COG8: variants seen among roughly 807,000 people sequenced by gnomAD.
COG8 encodes the protein conserved oligomeric Golgi complex subunit 8.
A neutral mutation model predicts 46.5 loss-of-function variants in COG8; 45 were observed. The ratio of observed to expected loss-of-function variants is 0.97; its 90% CI spans 0.76 to 1.24. The LOEUF (loss-of-function observed/expected upper bound fraction) is 1.24. Among genes scored for constraint, COG8 ranks in the 50% most tolerant of loss-of-function variants. COG8 has a pLI of 0.00. For missense variants in COG8, 793 were observed against 820.8 expected (o/e 0.97, Z 0.41); for synonymous variants, 407 against 347.8 (o/e 1.17, Z -1.90).
rs2011689121 is a variant in COG8, at chr16:69,330,270, G to A, written c.*26+543C>T. 7.0e-7 allele frequency: 1 copy of A among 1,438,668 alleles called. No homozygotes were observed. The allele number at this position is 1,438,668 out of a possible 1,614,324, so 89.1% of individuals were successfully genotyped here. On this transcript the variant is annotated intron_variant, in intron 5 of 5. Transcript: ENST00000306875. ...ACGCAGCGCCGCCGCCGCATCACCT[G>A]GACCAGCCGTTGCGTCAGCCGCTGC...
chr16:69,335,217 A>G lies in COG8; in HGVS notation c.717T>C (p.Thr239=), dbSNP rs2012137531. The change falls in exon 3 of 6, where the codon ACT becomes ACC. Residue 239 remains threonine (T), a synonymous_variant. Transcript: ENST00000306875. Reference sequence around the variant, plus strand: ...GAAACTTCACCCTCAACTCAGCCTCAGTGAAGACGTCCATGCGCCGCAGGT... The same window carrying G: ...GAAACTTCACCCTCAACTCAGCCTCGGTGAAGACGTCCATGCGCCGCAGGT... ...IGYLRRMDVF[T]EAELRVKFLQ... The G allele has an allele frequency of 1.2e-6, 2 of 1,614,130 alleles. No homozygotes were observed. Among genetic ancestry groups the G allele is most frequent in the Non-Finnish European group, 1.7e-6 (2 of 1,179,962 alleles).
At chr16:69,329,975 C>T in intron 5 of COG8, 1 of 1,510,130 alleles carries the variant, frequency 6.6e-7, no homozygotes, top group South Asian at 1.2e-5. Flanking sequence ...GCTCCAGCAG[C>T]CCCGGTCCCC....
rs200476177 is a variant in COG8 at position 69,334,817 on chromosome 16, G to C, written c.1117C>G (p.Arg373Gly). ...FRGQLAPVFQRVAISTFQKAI... is the reference protein window; with the variant it reads ...FRGQLAPVFQGVAISTFQKAI... Reference sequence around the variant, plus strand: ...TTCTGGAAAGTGCTGATGGCCACCCGCTGGAAAACAGGAGCCAACTGACCC... The same window carrying C: ...TTCTGGAAAGTGCTGATGGCCACCCCCTGGAAAACAGGAGCCAACTGACCC... The change falls in exon 3 of 6, where the codon CGG (arginine) becomes GGG (glycine). Residue 373 changes from arginine to glycine, a missense_variant. Coordinates refer to ENST00000306875, the MANE Select transcript of COG8 (RefSeq NM_032382.5). 5 of 1,614,126 alleles carry C rather than the reference G, an allele frequency of 3.1e-6. No individual in the cohort carries two copies. The highest frequency in any genetic ancestry group is 4.2e-6 in the Non-Finnish European group (5 of 1,180,044).
chr16:69,330,313 C>T (rs766915338), intron 5 of COG8: 8 of 1,440,162 alleles, frequency 5.6e-6, no homozygotes, highest in Admixed American at 2.8e-5. Context: ...GCCCGCCTAG[C>T]TGCGCCCGCT....
chr16:69,329,892 G>T, intron 5 of COG8: 2 of 1,337,716 alleles, frequency 1.5e-6, no homozygotes, highest in African/African-American at 1.5e-5. Context: ...CTTCGCTCCT[G>T]CGGGAGGTCC....
rs757358165 is a variant in COG8 at position 69,334,959 on chromosome 16, T to C, written c.975A>G (p.Gln325=). 1 of 1,614,056 alleles carries C rather than the reference T, an allele frequency of 6.2e-7. No individual in the cohort carries two copies. The highest frequency in any genetic ancestry group is 8.5e-7 in the Non-Finnish European group (1 of 1,180,002). ...GGTCGGTCTCCAGCACCTGCAGGAA[T>C]TGTGAGACCTTCTGTAGCACCCAGC... ...FHGWVLQKVS[Q]FLQVLETDLY... Residue 325 remains glutamine, a synonymous_variant, in exon 3 of 6, where the codon CAA becomes CAG. Transcript: ENST00000306875.
At chr16:69,331,449 G>T (rs2011827240) in intron 4 of COG8, among the ~76,000 whole-genome samples, 2 of 62,024 alleles carry the variant, frequency 3.2e-5, no homozygotes, top group Non-Finnish European at 2.8e-5. Flanking sequence ...GCAAAACTCC[G>T]TCTCAAAAAA....
At chr16:69,337,345 ATG>A (rs1293793911) in intron 1 of COG8, among the ~76,000 whole-genome samples, 1 of 152,090 alleles carries the variant, frequency 6.6e-6, no homozygotes, top group Non-Finnish European at 1.5e-5. Context: ...AAATGAGATG[ATG>A]TGTGTGAAGC....
rs1249475771 is a variant in COG8, at chr16:69,327,148, G to A, written c.*2058C>T. 6.8e-6 allele frequency: 1 copy of A among 147,740 alleles called. No individual in the cohort carries two copies. Among genetic ancestry groups the A allele is most frequent in the Non-Finnish European group, 1.5e-5 (1 of 67,374 alleles). The allele number at this position is 147,740 out of a possible 1,614,324, so 9.2% of individuals were successfully genotyped here. A position where few individuals can be genotyped will look rare whatever the true frequency, so the allele number is the denominator to read the frequency against. ...CATCTCTGACCTTGCACCAGTATCT[G>A]GTTGGGATTCCCTTTTTTTTTTTTT... On this transcript the variant is annotated 3_prime_UTR_variant, in exon 6 of 6. Transcript: ENST00000306875.
intron 3 of COG8, among the ~76,000 whole-genome samples, chr16:69,333,860 G>T (rs138673094): frequency 5.6e-4 from 85 of 152,252 alleles, no homozygotes; most frequent in African/African-American, 1.9e-3. Context: ...AAAAATAAAA[G>T]AATATGCTAA....
At chr16:69,333,072 T>C (rs1232038541) in intron 3 of COG8, among the ~76,000 whole-genome samples, 190 bp from the exon 4 acceptor site, 1 of 149,134 alleles carries the variant, frequency 6.7e-6, no homozygotes, top group African/African-American at 2.4e-5. Flanking sequence ...ACTTTATTAA[T>C]GTGAAGTTCA....
chr16:69,336,705 CA>C lies in COG8; in HGVS notation c.384del (p.Phe128LeufsTer2). 2 of 1,614,038 alleles carry C rather than the reference CA, an allele frequency of 1.2e-6. No homozygotes were observed. Among genetic ancestry groups the C allele is most frequent in the Non-Finnish European group, 1.7e-6 (2 of 1,179,980 alleles). On this transcript the variant is annotated frameshift_variant, in exon 2 of 6. Coordinates refer to ENST00000306875, the MANE Select transcript of COG8 (RefSeq NM_032382.5). LOFTEE classifies it high-confidence loss of function. ...GAGCTGATCTCCTCGGCTTCCTTCA[CA>C]AAGTTCCTAGTAATAATCAGAAGAA... ...LPSFQQSCRN[F>X]VKEAEEISSN...
At chr16:69,336,422 T>G in intron 2 of COG8, 83 bp downstream of exon 2, 1 of 1,322,182 alleles carries the variant, frequency 7.6e-7, no homozygotes. Context: ...ATGCAAGAGT[T>G]TCTACCTAAA....
At position 69,326,950 on chromosome 16, in the gene COG8, C is replaced by T. The variant is rs1185201806; in HGVS notation, c.*2256G>A. Reference sequence around the variant, plus strand: ...TGCATTTTATTGCTACCGATGCCCACCACAAAAGCGTTAACCTCAGAAAGC... The same window carrying T: ...TGCATTTTATTGCTACCGATGCCCATCACAAAAGCGTTAACCTCAGAAAGC... On this transcript the variant is annotated 3_prime_UTR_variant, in exon 6 of 6. Transcript: ENST00000306875. 1 of 152,086 alleles carries T rather than the reference C, an allele frequency of 6.6e-6. No individual in the cohort carries two copies. Among genetic ancestry groups the T allele is most frequent in the Non-Finnish European group, 1.5e-5 (1 of 68,032 alleles). The allele number at this position is 152,086 out of a possible 1,614,324, so 9.4% of individuals were successfully genotyped here. A position where few individuals can be genotyped will look rare whatever the true frequency, so the allele number is the denominator to read the frequency against.
Position 69,332,827 on chromosome 16 carries a change from C to T in COG8, c.1469G>A (p.Gly490Glu), listed in dbSNP as rs761841941. The change falls in exon 4 of 6, where the codon GGG becomes GAG. Residue 490 changes from glycine to glutamate, a missense_variant. By Grantham distance (98) the Gly-to-Glu change is moderately conservative. Coordinates refer to ENST00000306875, the MANE Select transcript of COG8 (RefSeq NM_032382.5). ...HRAEEAAFSSGEQELFVQFCT... is the reference protein window; with the variant it reads ...HRAEEAAFSSEEQELFVQFCT... ...GAACTGGACAAAGAGCTCTTGCTCC[C>T]CGCTGCTGAAGGCAGCCTCTTCAGC... 1.2e-6 allele frequency: 2 copies of T among 1,614,090 alleles called. No homozygotes were observed. The highest frequency in any genetic ancestry group is 2.2e-5 in the East Asian group (1 of 44,904).
rs764658768 is a variant in COG8 at position 69,331,103 on chromosome 16, A to T, written c.1583-8T>A. ...GCTGAGTGGGAGGAATGCCTAACCC[A>T]GACGTGGGGAAAGCAAAATGGAAAA... On this transcript the variant is annotated splice_region_variant and splice_polypyrimidine_tract_variant and intron_variant, in intron 4 of 5. Coordinates refer to ENST00000306875, the MANE Select transcript of COG8 (RefSeq NM_032382.5). The T allele has an allele frequency of 1.2e-6, 2 of 1,613,632 alleles. No individual in the cohort carries two copies. The highest frequency in any genetic ancestry group is 1.7e-6 in the Non-Finnish European group (2 of 1,179,954).
rs761815763 is a variant in COG8 at position 69,334,440 on chromosome 16, T to C, written c.1413+81A>G. 1.3e-4 allele frequency: 162 copies of C among 1,217,410 alleles called. 1 individual carries two copies. The highest frequency in any genetic ancestry group is 1.8e-4 in the Non-Finnish European group (155 of 837,854). The allele number at this position is 1,217,410 out of a possible 1,614,324, so 75.4% of individuals were successfully genotyped here. A position where few individuals can be genotyped will look rare whatever the true frequency, so the allele number is the denominator to read the frequency against. Reference sequence around the variant, plus strand: ...CTCCATGTCAGCAGACACCGTCAAATAGACGGGTTTATTACAAAAATCTGG... The same window carrying C: ...CTCCATGTCAGCAGACACCGTCAAACAGACGGGTTTATTACAAAAATCTGG... On this transcript the variant is annotated intron_variant, in intron 3 of 5. Transcript: ENST00000306875.
In COG8 at chr16:69,327,790, T is replaced by C. The variant is rs541694523; in HGVS notation, c.*1416A>G. ...ACTTTGGGAGGCCGAGGCAGGAGGA[T>C]TGCCTGAGACCAGGAATTTGAGGCC... On this transcript the variant is annotated 3_prime_UTR_variant, in exon 6 of 6. Coordinates refer to ENST00000306875, the MANE Select transcript of COG8 (RefSeq NM_032382.5). 63 of 151,896 alleles carry C rather than the reference T, an allele frequency of 4.1e-4. No individual in the cohort carries two copies. Among genetic ancestry groups the C allele is most frequent in the African/African-American group, 1.2e-3 (50 of 41,400 alleles). The allele number at this position is 151,896 out of a possible 1,614,324, so 9.4% of individuals were successfully genotyped here. A position where few individuals can be genotyped will look rare whatever the true frequency, so the allele number is the denominator to read the frequency against.
chr16:69,339,044 T>C, intron 1 of COG8, 132 bp downstream of exon 1: 1 of 1,287,482 alleles, frequency 7.8e-7, no homozygotes, highest in South Asian at 1.2e-5. Flanking sequence ...TGTTGTGAGG[T>C]TTAAATGGAT....
Sources: allele counts gnomAD v4.1 joint callset (sites outside exome capture counted in the v4.1 genomes callset), GRCh38; gene constraint gnomAD v4.1.1; transcripts MANE v1.5; gene names NCBI Gene and HGNC (gene_info 2026-07-23, HGNC 2026-07-21).